The following SGCZ variants were observed in gnomAD, a reference collection of about 807,000 sequenced individuals.
SGCZ encodes sarcoglycan zeta, also known as zeta-sarcoglycan.
In SGCZ, 40 loss-of-function variants were observed where a neutral mutation model predicts 41.3. That is an observed-to-expected ratio of 0.97 (90% CI 0.75 to 1.26). The LOEUF (loss-of-function observed/expected upper bound fraction) is 1.26. Ranked by LOEUF, SGCZ falls within the 50% of genes most tolerant of loss-of-function variation. SGCZ has a pLI of 0.00. For synonymous variants in SGCZ, 206 were observed against 137.5 expected (o/e 1.50, Z -3.49); for missense variants, 552 against 369.8 (o/e 1.49, Z -4.04).
intron 2 of SGCZ, among the ~76,000 whole-genome samples, chr8:14,535,204 T>G (rs967677882): frequency 6.6e-6 from 1 of 151,994 alleles, no homozygotes; most frequent in Non-Finnish European, 1.5e-5. Context: ...TAAATTTGAA[T>G]AGTAAAGATT....
chr8:15,200,039 C>T (rs964295425), intron 1 of SGCZ, among the ~76,000 whole-genome samples: 5 of 152,092 alleles, frequency 3.3e-5, no homozygotes, highest in African/African-American at 1.2e-4. Context: ...TTTTAAAGGA[C>T]CAAAGTTAGG....
chr8:15,149,842 A>T (rs1008550354), intron 1 of SGCZ, among the ~76,000 whole-genome samples: 2 of 152,178 alleles, frequency 1.3e-5, no homozygotes, highest in African/African-American at 4.8e-5. Context: ...GTGTCCAAAG[A>T]TACAGTATGA....
intron 2 of SGCZ, among the ~76,000 whole-genome samples, chr8:14,405,861 T>G (rs768866293): frequency 1.4e-5 from 2 of 146,542 alleles, no homozygotes; most frequent in East Asian, 3.9e-4. Flanking sequence ...TCTTAGTCAT[T>G]TGTGTTTCAA....
At chr8:14,840,619 A>G (rs1802869526) in intron 1 of SGCZ, among the ~76,000 whole-genome samples, 2 of 152,114 alleles carry the variant, frequency 1.3e-5, no homozygotes, top group Admixed American at 6.5e-5. Context: ...CTCCAAAATG[A>G]GTTTCTCTTG....
chr8:14,229,720 T>C lies in SGCZ; in HGVS notation c.424+7872A>G, dbSNP rs997762276. Among the ~76,000 whole-genome samples, 3 of 152,080 alleles carry C rather than the reference T, an allele frequency of 2.0e-5. No individual in the cohort carries two copies. In the East Asian group the frequency reaches 5.8e-4, roughly 29 times the overall value. On this transcript the variant is annotated intron_variant, in intron 4 of 7. Coordinates refer to ENST00000382080, the MANE Select transcript of SGCZ (RefSeq NM_139167.4). Reference sequence around the variant, plus strand: ...CTGAGAATAATCCATAACCTTCTACTTTTTATACATCCTATACCATCTGCA... The same window carrying C: ...CTGAGAATAATCCATAACCTTCTACCTTTTATACATCCTATACCATCTGCA...
intron 2 of SGCZ, 90 bp downstream of exon 2, chr8:14,554,642 T>C: frequency 2.9e-6 from 3 of 1,024,020 alleles, no homozygotes; most frequent in Non-Finnish European, 4.2e-6. Context: ...AATATTGATA[T>C]GAATAACTTT....
chr8:14,740,433 C>G (rs953540543), intron 1 of SGCZ, among the ~76,000 whole-genome samples: 1 of 151,940 alleles, frequency 6.6e-6, no homozygotes, highest in African/African-American at 2.4e-5. Flanking sequence ...TTTTACTTCA[C>G]AGGCTACCAA....
intron 1 of SGCZ, among the ~76,000 whole-genome samples, chr8:14,965,412 C>T (rs752514857): frequency 4.6e-5 from 7 of 151,960 alleles, no homozygotes; most frequent in South Asian, 2.1e-4. Context: ...GTAAAGGAGT[C>T]GCCAAAGATG....
intron 2 of SGCZ, among the ~76,000 whole-genome samples, chr8:14,463,949 C>G (rs1045255012): frequency 8.9e-5 from 13 of 145,890 alleles, no homozygotes; most frequent in African/African-American, 3.6e-4. Flanking sequence ...GTTGAAACAT[C>G]CTTGCATCCA....
chr8:14,466,541 T>G (rs1463904278), intron 2 of SGCZ, among the ~76,000 whole-genome samples: 2 of 151,968 alleles, frequency 1.3e-5, no homozygotes, highest in African/African-American at 2.4e-5. Flanking sequence ...TAAACATAAT[T>G]TCTGTCCACT....
chr8:14,182,357 A>C (rs1367414236), intron 4 of SGCZ, among the ~76,000 whole-genome samples: 1 of 152,160 alleles, frequency 6.6e-6, no homozygotes, highest in Non-Finnish European at 1.5e-5. Context: ...AGAACCAACC[A>C]GGAAATCCAG....
intron 3 of SGCZ, among the ~76,000 whole-genome samples, chr8:14,306,041 A>G (rs1219485746): frequency 6.6e-6 from 1 of 152,202 alleles, no homozygotes; most frequent in Non-Finnish European, 1.5e-5. Context: ...TAAACAAGGA[A>G]AACTGCCTAC....
chr8:14,455,496 A>T (rs1301014372), intron 2 of SGCZ, among the ~76,000 whole-genome samples: 1 of 151,262 alleles, frequency 6.6e-6, no homozygotes, highest in Non-Finnish European at 1.5e-5. Context: ...ACACACGCAT[A>T]TACACACTTC....
At chr8:15,135,004 G>A (rs145708719) in intron 1 of SGCZ, among the ~76,000 whole-genome samples, 37 of 152,242 alleles carry the variant, frequency 2.4e-4, no homozygotes, top group Non-Finnish European at 4.4e-4. Context: ...CTAGACTTTT[G>A]CTCTTCAGTT....
chr8:14,860,732 AAG>A (rs1378022906), intron 1 of SGCZ, among the ~76,000 whole-genome samples: 1 of 150,344 alleles, frequency 6.7e-6, no homozygotes, highest in Non-Finnish European at 1.5e-5. Context: ...GAAAGAAAGA[AAG>A]AAAGTAAGTA....
At chr8:14,665,779 G>A (rs1807891572) in intron 1 of SGCZ, among the ~76,000 whole-genome samples, 1 of 152,078 alleles carries the variant, frequency 6.6e-6, no homozygotes, top group African/African-American at 2.4e-5. Context: ...TGTCTGTGTA[G>A]AAATCTTTAC....
At chr8:15,073,081 C>T (rs1805413086) in intron 1 of SGCZ, among the ~76,000 whole-genome samples, 2 of 152,078 alleles carry the variant, frequency 1.3e-5, no homozygotes, top group African/African-American at 4.8e-5. Context: ...GATCACAGCT[C>T]ATGTCAGCAT....
intron 1 of SGCZ, among the ~76,000 whole-genome samples, chr8:15,177,308 A>G (rs1301698967): frequency 3.3e-5 from 5 of 152,182 alleles, no homozygotes; most frequent in African/African-American, 1.2e-4. Flanking sequence ...GGAACGTCCC[A>G]CCTACAGCAG....
chr8:14,493,093 A>G (rs1801887892), intron 2 of SGCZ, among the ~76,000 whole-genome samples: 1 of 152,000 alleles, frequency 6.6e-6, no homozygotes, highest in South Asian at 2.1e-4. Flanking sequence ...GACTTACTCA[A>G]AATGCAAATA....
Sources: gnomAD v4.1 joint callset for allele counts (sites outside exome capture counted in the v4.1 genomes callset) on GRCh38, gnomAD v4.1.1 for gene constraint, MANE v1.5 for transcripts, NCBI Gene and HGNC (gene_info 2026-07-23, HGNC 2026-07-21) for gene names.